LPAR6: variants seen among roughly 807,000 people sequenced by gnomAD.
LPAR6 encodes the protein G-protein coupled purinergic receptor P2Y5.
In LPAR6, 17 loss-of-function variants were observed where a neutral mutation model predicts 22.0. The observed-to-expected ratio is 0.77, with a 90% confidence interval of 0.53 to 1.16. LPAR6 has a LOEUF of 1.16. Among genes scored for constraint, LPAR6 ranks in the 50% most tolerant of loss-of-function variants. The probability of loss-of-function intolerance (pLI) is 0.00; values close to 1 mark genes in which losing one functional copy is unlikely to be tolerated. For synonymous variants in LPAR6, 136 were observed against 139.8 expected (o/e 0.97, Z 0.19); for missense variants, 384 against 406.9 (o/e 0.94, Z 0.48).
intron 1 of LPAR6, among the ~76,000 whole-genome samples, chr13:48,443,461 C>T (rs1949257748): frequency 6.6e-6 from 1 of 152,080 alleles, no homozygotes; most frequent in African/African-American, 2.4e-5. Flanking sequence ...TATTAAGTCA[C>T]AGTTTACTAA....
chr13:48,434,535 A>G (rs1336099673), intron 1 of LPAR6, among the ~76,000 whole-genome samples: 3 of 152,108 alleles, frequency 2.0e-5, no homozygotes, highest in Non-Finnish European at 4.4e-5. Context: ...CCCAGCCACA[A>G]AAAACACCCT....
intron 1 of LPAR6, among the ~76,000 whole-genome samples, chr13:48,405,832 A>G (rs1474079718): frequency 6.6e-6 from 1 of 152,180 alleles, no homozygotes; most frequent in African/African-American, 2.4e-5. Flanking sequence ...TCTTTTTATA[A>G]AAATAAGCAG....
upstream of LPAR6, chr13:48,415,656 T>C (rs1566215209): frequency 6.6e-6 from 1 of 152,184 alleles, no homozygotes; most frequent in Non-Finnish European, 1.5e-5. Context: ...AATTAGGCTT[T>C]TCATTATTAT....
At position 48,439,092 on chromosome 13, in the gene LPAR6, C is replaced by CTA. The variant is rs1593517630; in HGVS notation, c.-1474+5460_-1474+5461insTA. Among the ~76,000 whole-genome samples, 11 of 152,226 alleles carry CTA rather than the reference C, an allele frequency of 7.2e-5. 1 individual carries two copies. In the East Asian group the frequency reaches 2.1e-3, roughly 29 times the overall value. On this transcript the variant is annotated intron_variant, in intron 1 of 6. Coordinates refer to the LPAR6 transcript ENST00000378434. ...GTGAAAGAGGCAGTAAGCAAAGGAA[C>CTA]GTGACTCCCATACTAGTATAGCAGC... is the stretch of plus-strand genomic sequence containing the variant.
intron 1 of LPAR6, among the ~76,000 whole-genome samples, chr13:48,433,845 C>G (rs1593512849): frequency 6.6e-6 from 1 of 151,822 alleles, no homozygotes; most frequent in East Asian, 1.9e-4. Flanking sequence ...GCATATCTTA[C>G]AACTTTTGTC....
intron 2 of LPAR6, among the ~76,000 whole-genome samples, chr13:48,418,770 C>T (rs187993567): frequency 8.7e-5 from 13 of 149,662 alleles, no homozygotes; most frequent in East Asian, 1.9e-4. Flanking sequence ...TTTAAACCAA[C>T]GAAGATCAAA....
rs1318676400 is a variant in LPAR6, at chr13:48,412,160, A to G, written c.264T>C (p.Leu88=). 1 of 1,614,006 alleles carries G rather than the reference A, an allele frequency of 6.2e-7. No homozygotes were observed. Among genetic ancestry groups the G allele is most frequent in the Admixed American group, 1.7e-5 (1 of 60,008 alleles). The change falls in exon 1 of 1, where the codon CTT becomes CTC. Residue 88 remains leucine (L), a synonymous_variant. Transcript: ENST00000620633. ...TTRNWPFGDL[L]CKISVMLFYT... The stretch of plus-strand genomic sequence containing the variant: ...AAAACAGCATCACAGAAATCTTACA[A>G]AGTAAATCTCCAAATGGCCAATTCC...
chr13:48,399,217 T>A (rs1167575250), intron 1 of LPAR6, among the ~76,000 whole-genome samples: 1 of 151,886 alleles, frequency 6.6e-6, no homozygotes, highest in Admixed American at 6.6e-5. Flanking sequence ...GGACCTGAGG[T>A]TTTTGTTGTT....
Position 48,411,680 on chromosome 13 carries a change from A to C in LPAR6, c.744T>G (p.Asn248Lys). Reference protein sequence around the residue: ...FCFCFVPYNINLILYSLVRTQ... With the variant: ...FCFCFVPYNIKLILYSLVRTQ... ...TTCTCACAAGAGAATATAAAATAAG[A>C]TTGATATTGTAAGGAACAAAACAGA... The change falls in exon 1 of 1, where the codon AAT (asparagine) becomes AAG (lysine). Residue 248 changes from asparagine (N) to lysine (K), a missense_variant. Asn to Lys is a moderately conservative substitution (Grantham distance 94). Transcript: ENST00000620633. The C allele has an allele frequency of 6.2e-7, 1 of 1,610,122 alleles. No homozygotes were observed. Among genetic ancestry groups the C allele is most frequent in the Non-Finnish European group, 8.5e-7 (1 of 1,176,574 alleles).
At chr13:48,437,227 G>T (rs1949193127) in intron 1 of LPAR6, among the ~76,000 whole-genome samples, 1 of 152,164 alleles carries the variant, frequency 6.6e-6, no homozygotes, top group Non-Finnish European at 1.5e-5. Context: ...GAGCAATTAG[G>T]CTGACAGTTA....
chr13:48,402,744 T>C (rs933165952), intron 1 of LPAR6, among the ~76,000 whole-genome samples: 2 of 152,140 alleles, frequency 1.3e-5, no homozygotes, highest in Admixed American at 1.3e-4. Flanking sequence ...TTCCCCTCGT[T>C]TTAGGTAGCT....
At chr13:48,435,210 C>T (rs1204188030) in intron 1 of LPAR6, among the ~76,000 whole-genome samples, 1 of 152,196 alleles carries the variant, frequency 6.6e-6, no homozygotes, top group Non-Finnish European at 1.5e-5. Flanking sequence ...AGTTTCTCTG[C>T]ATTCTTTCCA....
chr13:48,392,616 A>G (rs960498653), intron 1 of LPAR6, among the ~76,000 whole-genome samples: 14 of 151,884 alleles, frequency 9.2e-5, no homozygotes, highest in African/African-American at 2.7e-4. Flanking sequence ...TATCTTCCAT[A>G]TCTATTTTTA....
At chr13:48,416,061 A>G (rs1593490884), upstream of LPAR6, among the ~76,000 whole-genome samples, 1 of 152,208 alleles carries the variant, frequency 6.6e-6, no homozygotes, top group Non-Finnish European at 1.5e-5. Flanking sequence ...CACTTCTGGA[A>G]CTTAACTCTG....
chr13:48,441,905 T>C (rs964820694), intron 1 of LPAR6, among the ~76,000 whole-genome samples: 3 of 152,184 alleles, frequency 2.0e-5, no homozygotes, highest in African/African-American at 7.2e-5. Flanking sequence ...TATTCACTTG[T>C]TTTTAACTTA....
Position 48,412,430 on chromosome 13 carries a change from G to C in LPAR6, c.-7C>G, listed in dbSNP as rs765143549. The C allele has an allele frequency of 6.2e-7, 1 of 1,609,418 alleles. No individual in the cohort carries two copies. Among genetic ancestry groups the C allele is most frequent in the African/African-American group, 1.3e-5 (1 of 74,926 alleles). On this transcript the variant is annotated 5_prime_UTR_variant, in exon 1 of 1. Coordinates refer to ENST00000620633, the MANE Select transcript of LPAR6 (RefSeq NM_001162498.3). Reference sequence around the variant, plus strand: ...AGCTGTTAACGCTTACCATCGTAAAGGCACGTCCAATTTTCAGTTTGGAAG... The same window carrying C: ...AGCTGTTAACGCTTACCATCGTAAACGCACGTCCAATTTTCAGTTTGGAAG...
At chr13:48,426,678 T>C (rs1949083745) in intron 1 of LPAR6, 1 of 152,236 alleles carries the variant, frequency 6.6e-6, no homozygotes, top group African/African-American at 2.4e-5. Flanking sequence ...TAGCTGATTA[T>C]TGCTGGAGCA....
At chr13:48,400,536 A>G (rs1002718087) in intron 1 of LPAR6, among the ~76,000 whole-genome samples, 3 of 152,216 alleles carry the variant, frequency 2.0e-5, no homozygotes, top group African/African-American at 4.8e-5. Flanking sequence ...GAGTGTTACT[A>G]TGCTATGGCA....
At chr13:48,404,451 A>G (rs1242401274) in intron 1 of LPAR6, among the ~76,000 whole-genome samples, 2 of 152,062 alleles carry the variant, frequency 1.3e-5, no homozygotes, top group African/African-American at 4.8e-5. Context: ...AGAAAAAAAA[A>G]ATTCCAAAAC....
Sources: gnomAD v4.1 joint callset for allele counts (sites outside exome capture counted in the v4.1 genomes callset) on GRCh38, gnomAD v4.1.1 for gene constraint, MANE v1.5 for transcripts, NCBI Gene and HGNC (gene_info 2026-07-23, HGNC 2026-07-21) for gene names.